Variants in COQ8A observed in about 807,000 individuals in gnomAD.
COQ8A encodes the protein atypical kinase COQ8A, mitochondrial.
Under a neutral mutation model 65.0 loss-of-function variants are expected in COQ8A, and 51 were observed. That is an observed-to-expected ratio of 0.78 (90% CI 0.63 to 0.99). The LOEUF is 0.99. COQ8A is among the 50% of genes least tolerant of loss of function. COQ8A has a pLI of 0.00. For missense variants in COQ8A, 940 were observed against 875.0 expected, an observed-to-expected ratio of 1.07 and a Z score of -0.94; for synonymous variants, 371 against 353.2, an observed-to-expected ratio of 1.05 and a Z score of -0.57.
At chr1:226,973,096 G>C (rs1340339114) in intron 4 of COQ8A, among the ~76,000 whole-genome samples, 1 of 152,196 alleles carries the variant, frequency 6.6e-6, no homozygotes, top group African/African-American at 2.4e-5. Flanking sequence ...CCCCTTTGTT[G>C]ACAGGGCTGC....
intron 4 of COQ8A, among the ~76,000 whole-genome samples, chr1:226,968,421 G>A (rs1572051676): frequency 1.3e-5 from 2 of 152,322 alleles, no homozygotes; most frequent in East Asian, 3.9e-4. Context: ...CACATGGCAA[G>A]ATATTTTAGT....
rs1658960228 is a variant in COQ8A at position 226,972,430 on chromosome 1, G to A, written c.656-5019G>A. On this transcript the variant is annotated intron_variant, in intron 4 of 14. Transcript: ENST00000366777. This position sits in a 1 kb window ranked among gnomAD's most constrained non-coding sequence, Gnocchi z 4.3. ...GTGGGCCAGGAATGAAGAGTAGAGG[G>A]AATGGACCTTTGGGTATCCTATTAT... is the stretch of plus-strand genomic sequence containing the variant. Among the ~76,000 whole-genome samples the A allele has an allele frequency of 6.6e-6, 1 of 151,874 alleles. No homozygotes were observed. Among genetic ancestry groups the A allele is most frequent in the South Asian group, 2.1e-4 (1 of 4,810 alleles).
chr1:226,973,125 G>A (rs1330717742), intron 4 of COQ8A, among the ~76,000 whole-genome samples: 1 of 152,250 alleles, frequency 6.6e-6, no homozygotes. Flanking sequence ...CCAGCGACAA[G>A]TGGCAGGCAG....
intron 1 of COQ8A, among the ~76,000 whole-genome samples, chr1:226,956,428 A>C (rs1206557912): frequency 8.9e-6 from 1 of 112,958 alleles, no homozygotes; most frequent in African/African-American, 3.9e-5. Flanking sequence ...TCCCTGATTC[A>C]CACTCTCCCT....
At position 226,976,851 on chromosome 1, in the gene COQ8A, C is replaced by T. The variant is rs531596728; in HGVS notation, c.656-598C>T. The stretch of plus-strand genomic sequence containing the variant: ...AGCCCCGCAGAAAGGGCAAGGTGGG[C>T]GAGAGGGCCTTCCATTACCCAGCGA... On this transcript the variant is annotated intron_variant, in intron 4 of 14. Coordinates refer to ENST00000366777, the MANE Select transcript of COQ8A (RefSeq NM_020247.5). Among the ~76,000 whole-genome samples the T allele has an allele frequency of 7.9e-5, 12 of 152,300 alleles. No homozygotes were observed. In the South Asian group the frequency reaches 2.5e-3, roughly 32 times the overall value.
intron 5 of COQ8A, among the ~76,000 whole-genome samples, chr1:226,980,648 A>G (rs1659629258): frequency 6.6e-6 from 1 of 152,190 alleles, no homozygotes; most frequent in African/African-American, 2.4e-5. Flanking sequence ...CGCTCTGCCC[A>G]TGGGTCATAG....
At chr1:226,976,227 GCTGTGGGA>G (rs1659204871) in intron 4 of COQ8A, among the ~76,000 whole-genome samples, 1 of 125,684 alleles carries the variant, frequency 8.0e-6, no homozygotes, top group African/African-American at 3.0e-5. Flanking sequence ...TGGCTGCGGG[GCTGTGGGA>G]CTGCGGGGCT....
At chr1:226,958,756 G>A (rs1340273194) in intron 1 of COQ8A, among the ~76,000 whole-genome samples, 1 of 152,218 alleles carries the variant, frequency 6.6e-6, no homozygotes, top group Non-Finnish European at 1.5e-5. Context: ...GAGGAGAGCA[G>A]GCAGGCACAC....
chr1:226,955,857 C>T (rs1247689802), intron 1 of COQ8A, among the ~76,000 whole-genome samples: 2 of 133,844 alleles, frequency 1.5e-5, no homozygotes, highest in African/African-American at 3.0e-5. Context: ...CTCCCTGGCT[C>T]TCACTCTCCC....
At chr1:226,948,235 G>T (rs1176325655) in intron 1 of COQ8A, among the ~76,000 whole-genome samples, 2 of 152,174 alleles carry the variant, frequency 1.3e-5, no homozygotes, top group Admixed American at 6.5e-5. Context: ...GCCTTTTCCA[G>T]CCTAGAGGCT....
chr1:226,960,039 G>A (rs1658058265), intron 1 of COQ8A, among the ~76,000 whole-genome samples: 4 of 151,450 alleles, frequency 2.6e-5, no homozygotes, highest in Admixed American at 2.6e-4. Flanking sequence ...GGTGGTAGTG[G>A]TACTTGGTGG....
Position 226,954,910 on chromosome 1 carries a change from T to C in COQ8A, c.-9-6467T>C, listed in dbSNP as rs138358088. Among the ~76,000 whole-genome samples the C allele has an allele frequency of 2.3e-3, 349 of 152,196 alleles. 2 individuals carry two copies. Among genetic ancestry groups the C allele is most frequent in the African/African-American group, 8.1e-3 (338 of 41,528 alleles). Reference sequence around the variant, plus strand: ...GCTGGAGGGGATGGGCACAGGGTGCTGGGAGGCATGTTGGGGAAGCCTTCC... The same window carrying C: ...GCTGGAGGGGATGGGCACAGGGTGCCGGGAGGCATGTTGGGGAAGCCTTCC... On this transcript the variant is annotated intron_variant, in intron 1 of 14. Transcript: ENST00000366777.
rs1658257146 is a variant in COQ8A, at chr1:226,961,567, G to A, written c.177+5G>A. 1 of 1,606,928 alleles carries A rather than the reference G, an allele frequency of 6.2e-7. No homozygotes were observed. Among genetic ancestry groups the A allele is most frequent in the Admixed American group, 1.7e-5 (1 of 59,862 alleles). ...ATGTTCTTGGGGAAGGTGCAGGTAA[G>A]GGGGCCTGGCAGTGGGAGGGGTGCT... On this transcript the variant is annotated splice_donor_5th_base_variant and intron_variant, in intron 2 of 14. Transcript: ENST00000366777.
chr1:226,983,209 T>A (rs971666136), intron 8 of COQ8A, 175 bp downstream of exon 8: 3 of 1,067,338 alleles, frequency 2.8e-6, no homozygotes, highest in Admixed American at 2.9e-5. Context: ...GCTTGGGAAG[T>A]ATTTGCTAAA....
At chr1:226,986,301 T>C in intron 14 of COQ8A, 152 bp from the exon 15 acceptor site, 1 of 854,312 alleles carries the variant, frequency 1.2e-6, no homozygotes, top group Non-Finnish European at 1.8e-6. Flanking sequence ...CCGGCCCCTG[T>C]GGGTTTGAGT....
intron 1 of COQ8A, among the ~76,000 whole-genome samples, chr1:226,950,732 G>A (rs1365272406): frequency 6.7e-6 from 1 of 149,256 alleles, no homozygotes; most frequent in African/African-American, 2.5e-5. Context: ...CATTCATGGG[G>A]GAGAATGTCA....
Position 226,984,923 on chromosome 1 carries a change from C to G in COQ8A, c.1554C>G (p.Phe518Leu). ...CAACGCGGGAATATGACAGATCCTT[C>G]ACCGACCTCTACATTCAGGTAACTG... ...FGATREYDRS[F>L]TDLYIQIIRA... Residue 518 changes from phenylalanine to leucine, a missense_variant, in exon 13 of 15, where the codon TTC (phenylalanine) becomes TTG (leucine). Coordinates refer to ENST00000366777, the MANE Select transcript of COQ8A (RefSeq NM_020247.5). The G allele has an allele frequency of 6.2e-7, 1 of 1,614,194 alleles. No homozygotes were observed. The highest frequency in any genetic ancestry group is 8.5e-7 in the Non-Finnish European group (1 of 1,180,036).
chr1:226,966,285 T>C (rs141110949), intron 4 of COQ8A, among the ~76,000 whole-genome samples: 4 of 152,326 alleles, frequency 2.6e-5, no homozygotes, highest in Non-Finnish European at 5.9e-5. Flanking sequence ...GTCTGTACTT[T>C]GGGGGGTTGA....
intron 4 of COQ8A, among the ~76,000 whole-genome samples, chr1:226,975,840 A>G (rs145979753): frequency 1.3e-5 from 2 of 152,294 alleles, no homozygotes; most frequent in African/African-American, 2.4e-5. Context: ...TCGCAAAAAC[A>G]TTTTTTTAAA....
Sources: gnomAD v4.1 joint callset for allele counts (sites outside exome capture counted in the v4.1 genomes callset) on GRCh38, gnomAD v4.1.1 for gene constraint, Gnocchi (gnomAD v3.1) non-coding constraint, MANE v1.5 for transcripts, NCBI Gene and HGNC (gene_info 2026-07-23, HGNC 2026-07-21) for gene names.